Variants in TRRAP observed in about 807,000 individuals in gnomAD.
TRRAP encodes transformation/transcription domain associated protein.
Under a neutral mutation model 438.8 loss-of-function variants are expected in TRRAP, and 41 were observed. The observed-to-expected ratio is 0.09, with a 90% confidence interval of 0.07 to 0.12. The LOEUF (loss-of-function observed/expected upper bound fraction) is 0.12. Among genes scored for constraint, TRRAP ranks in the 10% least tolerant of loss-of-function variants. The pLI is 1.00. For missense variants in TRRAP, 3,122 were observed against 5,055.1 expected, an observed-to-expected ratio of 0.62 and a Z score of 11.60; for synonymous variants, 1,994 against 1,962.9, an observed-to-expected ratio of 1.02 and a Z score of -0.42.
At chr7:98,959,899 A>G (rs906649580) in intron 45 of TRRAP, among the ~76,000 whole-genome samples, 14 of 150,600 alleles carry the variant, frequency 9.3e-5, no homozygotes, top group African/African-American at 3.0e-4. Flanking sequence ...CCACTGCACT[A>G]CAGCTTGGGA....
chr7:98,991,484 C>T (rs1793432368), intron 64 of TRRAP, among the ~76,000 whole-genome samples: 1 of 152,206 alleles, frequency 6.6e-6, no homozygotes, highest in Non-Finnish European at 1.5e-5. Context: ...CCTCAGGATG[C>T]AGGTCCGACC....
At chr7:98,950,325 T>A (rs1216086083) in intron 38 of TRRAP, 63 bp downstream of exon 38, 59 of 1,570,846 alleles carry the variant, frequency 3.8e-5, no homozygotes, top group Non-Finnish European at 4.6e-5. Flanking sequence ...TAGGGAACTT[T>A]GGGCCCTTTT....
chr7:98,960,749 G>A (rs1327565488), intron 45 of TRRAP, among the ~76,000 whole-genome samples: 1 of 139,966 alleles, frequency 7.1e-6, no homozygotes, highest in African/African-American at 2.6e-5. Context: ...ATGCCACCAT[G>A]CCTGGCTTTT....
intron 23 of TRRAP, 100 bp from the exon 24 acceptor site, chr7:98,929,889 C>T: frequency 7.5e-7 from 1 of 1,341,316 alleles, no homozygotes. Flanking sequence ...CCGCCGTGCC[C>T]TGCTTTTTAT....
intron 38 of TRRAP, 101 bp from the exon 39 acceptor site, chr7:98,950,775 C>T: frequency 7.3e-7 from 1 of 1,363,714 alleles, no homozygotes. Flanking sequence ...TGAGTTCCAA[C>T]TTGATGGTGT....
chr7:98,892,671 C>T lies in TRRAP; in HGVS notation c.366+143C>T, dbSNP rs1584274190. The T allele has an allele frequency of 1.4e-5, 9 of 631,500 alleles. No homozygotes were observed. In the East Asian group the frequency reaches 2.6e-4, roughly 19 times the overall value. The allele number at this position is 631,500 out of a possible 1,614,324, so 39.1% of individuals were successfully genotyped here. ...CATGAGTAAAAATTTTTCTTAATGT[C>T]CCTTTTCCCCCATTTCCTCCACTCA... is the stretch of plus-strand genomic sequence containing the variant. On this transcript the variant is annotated intron_variant, in intron 5 of 72. Transcript: ENST00000456197.
intron 6 of TRRAP, among the ~76,000 whole-genome samples, 168 bp from the exon 7 acceptor site, chr7:98,895,595 AT>A (rs1233436983): frequency 2.6e-5 from 4 of 151,998 alleles, no homozygotes; most frequent in Non-Finnish European, 4.4e-5. Flanking sequence ...ATATTTACTT[AT>A]TTTTTTGTTT....
Position 98,983,452 on chromosome 7 carries a change from T to C in TRRAP, c.9015T>C (p.His3005=), listed in dbSNP as rs770720409. 2 of 1,614,196 alleles carry C rather than the reference T, an allele frequency of 1.2e-6. No homozygotes were observed. Among genetic ancestry groups the C allele is most frequent in the Non-Finnish European group, 1.7e-6 (2 of 1,180,030 alleles). The change falls in exon 60 of 73, where the codon CAT becomes CAC. Residue 3005 remains histidine (H), a synonymous_variant. Coordinates refer to ENST00000456197, the MANE Select transcript of TRRAP (RefSeq NM_001375524.1). ...WSSIFMWRQH[H]YQAIVTAYEN... ...GCATCTTCATGTGGAGGCAGCATCA[T>C]TACCAGGGTAAACCGACCTGGTCCG...
chr7:98,920,470 CAAA>C (rs782559840), intron 20 of TRRAP, among the ~76,000 whole-genome samples: 12 of 93,658 alleles, frequency 1.3e-4, no homozygotes, highest in African/African-American at 1.6e-4. Context: ...ACTCCGTCTC[CAAA>C]AAAAAAAAAA....
At chr7:99,006,233 C>G (rs188143616) in intron 69 of TRRAP, among the ~76,000 whole-genome samples, 2 of 152,328 alleles carry the variant, frequency 1.3e-5, no homozygotes, top group African/African-American at 4.8e-5. Context: ...CATGTAATCC[C>G]TGAAGTCGGG....
chr7:98,993,449 G>T (rs974140104), intron 65 of TRRAP, 89 bp from the exon 66 acceptor site: 16 of 1,388,486 alleles, frequency 1.2e-5, no homozygotes, highest in Non-Finnish European at 1.5e-5. Context: ...AGGAACCAGC[G>T]CTCCTTTGGC....
chr7:98,978,612 A>G (rs1431612304), intron 57 of TRRAP, among the ~76,000 whole-genome samples, 157 bp from the exon 58 acceptor site: 1 of 152,194 alleles, frequency 6.6e-6, no homozygotes, highest in Non-Finnish European at 1.5e-5. Context: ...GGCTCTCCCC[A>G]CAATGGAGCA....
intron 28 of TRRAP, 66 bp from the exon 29 acceptor site, chr7:98,937,090 G>A (rs1343621620): frequency 6.6e-7 from 1 of 1,519,748 alleles, no homozygotes; most frequent in Non-Finnish European, 8.8e-7. Context: ...AATAAATACA[G>A]AGAAGAAAAT....
Position 98,935,610 on chromosome 7 carries a change from C to T in TRRAP, c.4046C>T (p.Ala1349Val), listed in dbSNP as rs1790522366. The change falls in exon 28 of 73, where the codon GCT (alanine) becomes GTT (valine). Residue 1349 changes from alanine to valine, a missense_variant. This residue lies in a region of TRRAP where 84 missense variants were observed against 119.8 expected (regional missense o/e 0.70). Transcript: ENST00000456197. ...AATTTGTGTGAGGCTGAAGATTCAG[C>T]TTTAACAAAGCTGCCCTGTTATAAA... ...LLNLCEAEDS[A>V]LTKLPCYKSL... is the part of the protein sequence containing the mutation. 1.2e-6 allele frequency: 2 copies of T among 1,604,976 alleles called. No homozygotes were observed. The highest frequency in any genetic ancestry group is 4.5e-5 in the East Asian group (2 of 44,592).
At chr7:98,999,243 C>T in intron 67 of TRRAP, 3 of 1,186,548 alleles carry the variant, frequency 2.5e-6, no homozygotes, top group Non-Finnish European at 3.8e-6. Flanking sequence ...CATGCATTCA[C>T]TGCCCAGCTT....
chr7:98,992,794 G>C (rs946633574), intron 65 of TRRAP, among the ~76,000 whole-genome samples: 15 of 152,136 alleles, frequency 9.9e-5, no homozygotes, highest in African/African-American at 1.7e-4. Context: ...ACTGCCCCTT[G>C]TTTTCAATGC....
At chr7:98,880,096 A>C (rs79855927) in intron 1 of TRRAP, among the ~76,000 whole-genome samples, 1,848 of 152,106 alleles carry the variant, frequency 0.012, 40 homozygotes, top group African/African-American at 0.043. Flanking sequence ...AACAGAATTT[A>C]TAGTTTCCCG....
intron 59 of TRRAP, 63 bp downstream of exon 59, chr7:98,982,023 C>A: frequency 1.4e-6 from 2 of 1,434,624 alleles, no homozygotes; most frequent in South Asian, 1.5e-5. Context: ...CGCCGGTGTC[C>A]AGGCTTAGGT....
chr7:98,895,160 C>A (rs1796144245), intron 6 of TRRAP, among the ~76,000 whole-genome samples: 1 of 152,190 alleles, frequency 6.6e-6, no homozygotes, highest in African/African-American at 2.4e-5. Flanking sequence ...CTAGTCTTGG[C>A]CTCCCGAAGT....
Sources: allele counts gnomAD v4.1 joint callset (sites outside exome capture counted in the v4.1 genomes callset), GRCh38; gene constraint gnomAD v4.1.1; regional missense constraint gnomAD v4.1.1; transcripts MANE v1.5; gene names NCBI Gene and HGNC (gene_info 2026-07-23, HGNC 2026-07-21).